The following IL33 variants were observed in gnomAD, a reference collection of about 807,000 sequenced individuals.
IL33 encodes interleukin-33.
IL33 carries 37 observed loss-of-function variants against 27.3 expected under a neutral mutation model. The ratio of observed to expected loss-of-function variants is 1.36; its 90% confidence interval spans 1.04 to 1.78. The LOEUF is 1.78. Ranked by LOEUF, IL33 falls within the 40% of genes most tolerant of loss-of-function variation. The pLI, the probability that IL33 is intolerant of heterozygous loss-of-function variation, is 0.00. For missense variants in IL33, 406 were observed against 311.4 expected (o/e 1.30, Z -2.29); for synonymous variants, 132 against 102.9 (o/e 1.28, Z -1.71).
At chr9:6,219,414 G>A (rs937237435) in intron 1 of IL33, among the ~76,000 whole-genome samples, 5 of 152,220 alleles carry the variant, frequency 3.3e-5, no homozygotes, top group Admixed American at 6.5e-5. Context: ...CCCTATAGCG[G>A]ACTCCTGGCA....
chr9:6,237,112 C>T (rs1424378766), intron 1 of IL33, among the ~76,000 whole-genome samples: 1 of 152,160 alleles, frequency 6.6e-6, no homozygotes, highest in African/African-American at 2.4e-5. Context: ...CAGGAAACCT[C>T]ATCATCTGAG....
Position 6,256,501 on chromosome 9 carries a change from T to G in IL33, c.*333T>G. On this transcript the variant is annotated 3_prime_UTR_variant, in exon 8 of 8. Coordinates refer to ENST00000682010, the MANE Select transcript of IL33 (RefSeq NM_033439.4). ...ACTTCATATTTAGAGCTAAGGCCAC[T>G]GAGGAAAGAGCCATAGCTTAAGTCT... is the stretch of plus-strand genomic sequence containing the variant. The G allele has an allele frequency of 2.5e-6, 1 of 402,946 alleles. No homozygotes were observed. Among genetic ancestry groups the G allele is most frequent in the Non-Finnish European group, 4.4e-6 (1 of 227,570 alleles). 25.0% of individuals were successfully genotyped at this position (402,946 alleles called of 1,614,324 possible).
intron 1 of IL33, among the ~76,000 whole-genome samples, chr9:6,226,815 C>T (rs1335021238): frequency 1.3e-5 from 2 of 152,328 alleles, no homozygotes; most frequent in East Asian, 3.9e-4. Flanking sequence ...TTTGTGGGTT[C>T]TCACCATGGT....
At chr9:6,224,511 T>G (rs964034624) in intron 1 of IL33, among the ~76,000 whole-genome samples, 1 of 152,200 alleles carries the variant, frequency 6.6e-6, no homozygotes, top group Non-Finnish European at 1.5e-5. Flanking sequence ...AGAACTATTC[T>G]TGTTAGCATT....
At chr9:6,234,109 C>A (rs1819062955) in intron 1 of IL33, among the ~76,000 whole-genome samples, 1 of 152,198 alleles carries the variant, frequency 6.6e-6, no homozygotes, top group Admixed American at 6.5e-5. Flanking sequence ...CCTCTTTCCC[C>A]TTACATGTTA....
At chr9:6,239,107 T>G (rs1819388682) in intron 1 of IL33, among the ~76,000 whole-genome samples, 2 of 152,140 alleles carry the variant, frequency 1.3e-5, no homozygotes, top group South Asian at 4.1e-4. Flanking sequence ...ACTGCTCTTC[T>G]AACAAAGAGC....
chr9:6,223,405 A>G (rs987839941), intron 1 of IL33, among the ~76,000 whole-genome samples: 3 of 151,890 alleles, frequency 2.0e-5, no homozygotes, highest in African/African-American at 7.2e-5. Flanking sequence ...TCAAAGAGTT[A>G]CTTATAAGTT....
intron 6 of IL33, 121 bp downstream of exon 6, chr9:6,253,723 C>G: frequency 1.5e-6 from 1 of 652,258 alleles, no homozygotes; most frequent in Non-Finnish European, 2.6e-6. Flanking sequence ...TATCTCCAAC[C>G]CAAGCTCATG....
chr9:6,228,465 C>A (rs574629784), intron 1 of IL33, among the ~76,000 whole-genome samples: 2 of 151,852 alleles, frequency 1.3e-5, no homozygotes, highest in African/African-American at 4.8e-5. Context: ...AAAATGATCT[C>A]AACTTTAGAG....
intron 2 of IL33, among the ~76,000 whole-genome samples, chr9:6,247,829 A>G (rs1564068703): frequency 6.6e-6 from 1 of 151,984 alleles, no homozygotes; most frequent in Admixed American, 6.6e-5. Context: ...AGTGTTTTCA[A>G]TACTTCAAAT....
At position 6,252,859 on chromosome 9, in the gene IL33, A is replaced by G; in HGVS notation, c.344-7A>G. The stretch of plus-strand genomic sequence containing the variant: ...TGCCTGACAAATTTTTGAATTCTTA[A>G]CAACAGGAATTTCACCTATTACAGA... On this transcript the variant is annotated splice_region_variant and splice_polypyrimidine_tract_variant and intron_variant, in intron 4 of 7. Transcript: ENST00000682010. 6.3e-7 allele frequency: 1 copy of G among 1,596,794 alleles called. No individual in the cohort carries two copies. Among genetic ancestry groups the G allele is most frequent in the African/African-American group, 1.4e-5 (1 of 73,922 alleles).
At chr9:6,231,841 C>T (rs1461557122) in intron 1 of IL33, among the ~76,000 whole-genome samples, 1 of 152,130 alleles carries the variant, frequency 6.6e-6, no homozygotes, top group Admixed American at 6.5e-5. Flanking sequence ...TGTCTCTTTT[C>T]AGAGAATTTA....
At chr9:6,247,673 G>A (rs1409696868) in intron 2 of IL33, among the ~76,000 whole-genome samples, 2 of 152,000 alleles carry the variant, frequency 1.3e-5, no homozygotes, top group African/African-American at 2.4e-5. Flanking sequence ...CATTTGAGCT[G>A]GCTCTTTGAC....
intron 1 of IL33, among the ~76,000 whole-genome samples, chr9:6,225,949 CT>C (rs1420311604): frequency 9.9e-5 from 15 of 152,166 alleles, no homozygotes; most frequent in African/African-American, 2.9e-4. Flanking sequence ...GCTGATCTCA[CT>C]TTTTTTCTTT....
intron 5 of IL33, 52 bp downstream of exon 5, chr9:6,253,043 A>G (rs1816502253): frequency 2.5e-6 from 3 of 1,191,714 alleles, no homozygotes; most frequent in East Asian, 2.6e-5. Flanking sequence ...ATAAAAGTAA[A>G]ACATTTTAAT....
chr9:6,252,925 A>G lies in IL33; in HGVS notation c.403A>G (p.Thr135Ala), dbSNP rs1816491830. The G allele has an allele frequency of 2.5e-6, 4 of 1,604,168 alleles. No individual in the cohort carries two copies. In the South Asian group the frequency reaches 3.3e-5, roughly 13 times the overall value. The change falls in exon 5 of 8, where the codon ACT becomes GCT. Residue 135 changes from threonine to alanine, a missense_variant. Coordinates refer to ENST00000682010, the MANE Select transcript of IL33 (RefSeq NM_033439.4). ...AAGCACATACAATGATCAATCCATT[A>G]CTTTTGCTTTGGAGGATGAAAGTTA... ...SLSTYNDQSI[T>A]FALEDESYEI...
At chr9:6,236,391 T>G (rs1330892153) in intron 1 of IL33, among the ~76,000 whole-genome samples, 3 of 152,234 alleles carry the variant, frequency 2.0e-5, no homozygotes, top group African/African-American at 7.2e-5. Flanking sequence ...TAAGTGCACA[T>G]GTATCTTTTT....
intron 1 of IL33, among the ~76,000 whole-genome samples, chr9:6,236,814 T>C (rs917196861): frequency 1.3e-5 from 2 of 152,178 alleles, no homozygotes; most frequent in Admixed American, 1.3e-4. Context: ...GAGGCTGCAG[T>C]GAGCTGAGAT....
rs755204165 is a variant in IL33, at chr9:6,251,125, C to G, written c.218-15C>G. 1 of 1,612,632 alleles carries G rather than the reference C, an allele frequency of 6.2e-7. No homozygotes were observed. The highest frequency in any genetic ancestry group is 8.5e-7 in the Non-Finnish European group (1 of 1,179,194). ...GGGGATTGATGGTCTATCCCTAATC[C>G]CATCCGGTCTGCAGGTAGAAAGCAC... On this transcript the variant is annotated splice_polypyrimidine_tract_variant and intron_variant, in intron 3 of 7. Coordinates refer to ENST00000682010, the MANE Select transcript of IL33 (RefSeq NM_033439.4).
Sources: allele counts gnomAD v4.1 joint callset (sites outside exome capture counted in the v4.1 genomes callset), GRCh38; gene constraint gnomAD v4.1.1; transcripts MANE v1.5; gene names NCBI Gene and HGNC (gene_info 2026-07-23, HGNC 2026-07-21).